PIP5K1C: variants seen among roughly 807,000 people sequenced by gnomAD.
PIP5K1C encodes phosphatidylinositol 4-phosphate 5-kinase type-1 gamma.
PIP5K1C carries 45 observed loss-of-function variants against 80.1 expected under a neutral mutation model. The observed-to-expected ratio is 0.56, with a 90% CI of 0.44 to 0.72. The LOEUF (loss-of-function observed/expected upper bound fraction) is 0.72, where lower values mean the gene tolerates loss of function less well. PIP5K1C is among the 30% of genes least tolerant of loss of function. The pLI, the probability that PIP5K1C is intolerant of heterozygous loss-of-function variation, is 0.00. For synonymous variants in PIP5K1C, 498 were observed against 420.1 expected (o/e 1.19, Z -2.27); for missense variants, 753 against 954.6 (o/e 0.79, Z 2.78).
At chr19:3,666,157 C>T (rs1189393180) in intron 2 of PIP5K1C, among the ~76,000 whole-genome samples, 1 of 152,246 alleles carries the variant, frequency 6.6e-6, no homozygotes, top group Non-Finnish European at 1.5e-5. Flanking sequence ...GTGGACAAAG[C>T]CCTCCAAGCT....
rs749278265 is a variant in PIP5K1C at position 3,633,523 on chromosome 19, G to A, written c.1921-3C>T. 5 of 1,491,970 alleles carry A rather than the reference G, an allele frequency of 3.4e-6. No individual in the cohort carries two copies. Among genetic ancestry groups the A allele is most frequent in the Non-Finnish European group, 3.6e-6 (4 of 1,116,072 alleles). 92.4% of individuals were successfully genotyped at this position (1,491,970 alleles called of 1,614,324 possible). On this transcript the variant is annotated splice_region_variant and splice_polypyrimidine_tract_variant and intron_variant, in intron 16 of 17. Coordinates refer to ENST00000335312, the MANE Select transcript of PIP5K1C (RefSeq NM_012398.3). ...ACCCAGCTCCTCTCATCGGTGGGCTGGCAGGTGGGCGCGCGTGCAGGAGGG... is the reference window on the plus strand; with the variant it reads ...ACCCAGCTCCTCTCATCGGTGGGCTAGCAGGTGGGCGCGCGTGCAGGAGGG...
Position 3,664,683 on chromosome 19 carries a change from C to T in PIP5K1C, c.219+139G>A. On this transcript the variant is annotated intron_variant, in intron 3 of 17. Coordinates refer to ENST00000335312, the MANE Select transcript of PIP5K1C (RefSeq NM_012398.3). ...CAGGACTGAGGACTCCAGCCTCTGC[C>T]TCCACACAGCCCACACCTGTCCCTG... is the stretch of plus-strand genomic sequence containing the variant. 24 of 790,258 alleles carry T rather than the reference C, an allele frequency of 3.0e-5. 1 individual carries two copies. The South Asian group carries it at 3.3e-4, about 11-fold the overall frequency. 49.0% of individuals were successfully genotyped at this position (790,258 alleles called of 1,614,324 possible).
chr19:3,663,542 G>C (rs2034907554), intron 3 of PIP5K1C, among the ~76,000 whole-genome samples: 1 of 152,224 alleles, frequency 6.6e-6, no homozygotes, highest in Non-Finnish European at 1.5e-5. Context: ...AAACCACAGG[G>C]GGGCCACGCA....
chr19:3,637,775 G>C lies in PIP5K1C; in HGVS notation c.1920+1109C>G. ...GAAGGTGGGGGGTGCCGGGGCAGGG[G>C]CAGGACCGAGGACCCTTCTCCCTTC... On this transcript the variant is annotated intron_variant, in intron 16 of 17. Coordinates refer to ENST00000335312, the MANE Select transcript of PIP5K1C (RefSeq NM_012398.3). The surrounding 1 kb of genome is among the most constrained non-coding windows in gnomAD (Gnocchi z 7.0). 10 of 1,532,792 alleles carry C rather than the reference G, an allele frequency of 6.5e-6. No homozygotes were observed. The highest frequency in any genetic ancestry group is 7.9e-6 in the Non-Finnish European group (9 of 1,145,950). 94.9% of individuals were successfully genotyped at this position (1,532,792 alleles called of 1,614,324 possible).
chr19:3,670,592 T>A (rs921317428), intron 1 of PIP5K1C, among the ~76,000 whole-genome samples: 2 of 152,194 alleles, frequency 1.3e-5, no homozygotes, highest in African/African-American at 4.8e-5. Flanking sequence ...GGCCTGCTGC[T>A]CCAAGCCCCC....
rs543422332 is a variant in PIP5K1C at position 3,696,862 on chromosome 19, G to A, written c.94+3435C>T. Among the ~76,000 whole-genome samples, 14 of 152,264 alleles carry A rather than the reference G, an allele frequency of 9.2e-5. No homozygotes were observed. The East Asian group carries it at 1.9e-3, about 21-fold the overall frequency. On this transcript the variant is annotated intron_variant, in intron 1 of 17. Transcript: ENST00000335312. This position sits in a 1 kb window ranked among gnomAD's most constrained non-coding sequence, Gnocchi z 4.1. ...GGAGGGCTGCGAGCAGAGGAGGGTC[G>A]GGACTCGGGCCGCTGGTTTTTAATG...
rs746930314 is a variant in PIP5K1C, at chr19:3,653,567, G to A, written c.644C>T (p.Thr215Met). ...YYMNLNQNPRTLLPKFYGLYC... is the reference protein window; with the variant it reads ...YYMNLNQNPRMLLPKFYGLYC... ...CAGCCCATAGAACTTGGGCAGCAGC[G>A]TCCGCGGGTTCTGGTTGAGGTTCTG... is the stretch of plus-strand genomic sequence containing the variant. The change falls in exon 7 of 18, where the codon ACG becomes ATG. Residue 215 changes from threonine to methionine, a missense_variant. Physicochemically the swap from Thr to Met is moderately conservative, Grantham distance 81. This residue lies in a region of PIP5K1C where 139 missense variants were observed against 289.7 expected (regional missense o/e 0.48). Transcript: ENST00000335312. The A allele has an allele frequency of 3.7e-6, 6 of 1,608,858 alleles. No individual in the cohort carries two copies. Among genetic ancestry groups the A allele is most frequent in the Non-Finnish European group, 4.3e-6 (5 of 1,175,888 alleles).
chr19:3,664,881 G>A lies in PIP5K1C; in HGVS notation c.160C>T (p.His54Tyr), dbSNP rs753110520. 1.7e-5 allele frequency: 27 copies of A among 1,613,236 alleles called. No individual in the cohort carries two copies. The highest frequency in any genetic ancestry group is 2.2e-5 in the Non-Finnish European group (26 of 1,179,940). The change falls in exon 3 of 18, where the codon CAT (histidine) becomes TAT (tyrosine). Residue 54 changes from histidine (H) to tyrosine (Y), a missense_variant. This residue lies in a region of PIP5K1C where 139 missense variants were observed against 289.7 expected (regional missense o/e 0.48). Coordinates refer to ENST00000335312, the MANE Select transcript of PIP5K1C (RefSeq NM_012398.3). ...CCTCGATGGCCCAACTTCTTCCCATGGCCAGGGCCCGGCTGTGCCGTCATG... is the reference window on the plus strand; with the variant it reads ...CCTCGATGGCCCAACTTCTTCCCATAGCCAGGGCCCGGCTGTGCCGTCATG... ...LSMTAQPGPG[H>Y]GKKLGHRGVD...
intron 3 of PIP5K1C, among the ~76,000 whole-genome samples, 155 bp from the exon 4 acceptor site, chr19:3,662,156 C>A (rs1036342871): frequency 6.6e-6 from 1 of 152,196 alleles, no homozygotes; most frequent in Non-Finnish European, 1.5e-5. Flanking sequence ...GCCTGTCCTG[C>A]GGCTGCTGAG....
At position 3,637,332 on chromosome 19, in the gene PIP5K1C, G is replaced by C. The variant is rs530832943; in HGVS notation, c.1920+1552C>G. On this transcript the variant is annotated intron_variant, in intron 16 of 17. Coordinates refer to ENST00000335312, the MANE Select transcript of PIP5K1C (RefSeq NM_012398.3). The surrounding 1 kb of genome is among the most constrained non-coding windows in gnomAD (Gnocchi z 7.0). ...GGAGCGCCCGGTTCGACGTGGGACC[G>C]AATGACATTCCCAGTGACGCATGCA... 3 of 1,532,790 alleles carry C rather than the reference G, an allele frequency of 2.0e-6. No individual in the cohort carries two copies. Among genetic ancestry groups the C allele is most frequent in the Non-Finnish European group, 1.7e-6 (2 of 1,145,246 alleles). 94.9% of individuals were successfully genotyped at this position (1,532,790 alleles called of 1,614,324 possible).
At chr19:3,644,688 C>A (rs981531886) in intron 11 of PIP5K1C, among the ~76,000 whole-genome samples, 1 of 152,210 alleles carries the variant, frequency 6.6e-6, no homozygotes, top group Non-Finnish European at 1.5e-5. Flanking sequence ...GCATGTAGGG[C>A]CTGAGCGCAG....
chr19:3,687,758 C>A (rs1448555705), intron 1 of PIP5K1C, among the ~76,000 whole-genome samples: 3 of 152,208 alleles, frequency 2.0e-5, no homozygotes, highest in African/African-American at 7.2e-5. Flanking sequence ...TAGGCCGCCC[C>A]TCTTCCTTGC....
At position 3,700,278 on chromosome 19, in the gene PIP5K1C, C is replaced by A. The variant is rs773995938; in HGVS notation, c.94+19G>T. 1.1e-4 allele frequency: 134 copies of A among 1,232,852 alleles called. 1 individual carries two copies. The East Asian group carries it at 5.2e-3, about 48-fold the overall frequency. The allele number at this position is 1,232,852 out of a possible 1,614,324, so 76.4% of individuals were successfully genotyped here. The stretch of plus-strand genomic sequence containing the variant: ...GGACGAGCCCAGCGGGCCGCAGCCC[C>A]GGGAGGCCGGGCCGTTACCTGCCGC... On this transcript the variant is annotated intron_variant, in intron 1 of 17. Transcript: ENST00000335312.
At chr19:3,638,742 G>T in intron 16 of PIP5K1C, 142 bp downstream of exon 16, 1 of 1,076,744 alleles carries the variant, frequency 9.3e-7, no homozygotes, top group Non-Finnish European at 1.4e-6. Context: ...GTGCTGGCTG[G>T]TGAGAGAGCA....
In PIP5K1C at chr19:3,696,653, C is replaced by A. The variant is rs1034352922; in HGVS notation, c.94+3644G>T. Among the ~76,000 whole-genome samples, 1 of 150,562 alleles carries A rather than the reference C, an allele frequency of 6.6e-6. No individual in the cohort carries two copies. The highest frequency in any genetic ancestry group is 1.5e-5 in the Non-Finnish European group (1 of 67,760). On this transcript the variant is annotated intron_variant, in intron 1 of 17. Transcript: ENST00000335312. This position sits in a 1 kb window ranked among gnomAD's most constrained non-coding sequence, Gnocchi z 4.1. The stretch of plus-strand genomic sequence containing the variant: ...GCAAAGGCCCCGGGGCAGGACCATG[C>A]CCTGCATGCTGGAGGAACAGCAAGG...
intron 10 of PIP5K1C, among the ~76,000 whole-genome samples, chr19:3,646,768 G>A (rs558688915): frequency 3.3e-5 from 5 of 152,322 alleles, no homozygotes; most frequent in African/African-American, 1.2e-4. Context: ...TTGAAAAATG[G>A]GGGTGCCTGT....
intron 1 of PIP5K1C, among the ~76,000 whole-genome samples, chr19:3,676,419 G>C (rs1017126026): frequency 2.6e-5 from 4 of 152,338 alleles, no homozygotes; most frequent in African/African-American, 9.6e-5. Context: ...GTTTGGGTTC[G>C]GTCAACTCTA....
At chr19:3,693,571 C>T (rs947828082) in intron 1 of PIP5K1C, among the ~76,000 whole-genome samples, 15 of 152,134 alleles carry the variant, frequency 9.9e-5, no homozygotes, top group African/African-American at 2.4e-4. Context: ...CGGGGCCAGG[C>T]GGCAGGCGGC....
rs564252628 is a variant in PIP5K1C at position 3,696,100 on chromosome 19, G to A, written c.94+4197C>T. The stretch of plus-strand genomic sequence containing the variant: ...TGGTGGCGGTGCTGACTCCCTGCCC[G>A]GCCGCCCTGTGACCACACTACACTG... On this transcript the variant is annotated intron_variant, in intron 1 of 17. Coordinates refer to ENST00000335312, the MANE Select transcript of PIP5K1C (RefSeq NM_012398.3). This position sits in a 1 kb window ranked among gnomAD's most constrained non-coding sequence, Gnocchi z 4.1. Among the ~76,000 whole-genome samples the A allele has an allele frequency of 3.9e-5, 6 of 152,060 alleles. No homozygotes were observed. The highest frequency in any genetic ancestry group is 2.1e-4 in the South Asian group (1 of 4,832).
Sources: gnomAD v4.1 joint callset for allele counts (sites outside exome capture counted in the v4.1 genomes callset) on GRCh38, gnomAD v4.1.1 for gene constraint, gnomAD v4.1.1 regional missense constraint, Gnocchi (gnomAD v3.1) non-coding constraint, MANE v1.5 for transcripts, NCBI Gene and HGNC (gene_info 2026-07-23, HGNC 2026-07-21) for gene names.